Variants in CCSER1 observed in about 807,000 individuals in gnomAD.
CCSER1 encodes the protein coiled-coil serine rich protein 1, also known as serine-rich coiled-coil domain-containing protein 1.
In CCSER1, 41 loss-of-function variants were observed where a neutral mutation model predicts 82.0. That is an observed-to-expected ratio of 0.50 (90% CI 0.39 to 0.65). CCSER1 has a LOEUF of 0.65. CCSER1 is among the 30% of genes least tolerant of loss of function. The probability of loss-of-function intolerance (pLI) is 0.00; values close to 1 mark genes in which losing one functional copy is unlikely to be tolerated. For synonymous variants in CCSER1, 414 were observed against 383.9 expected (o/e 1.08, Z -0.92); for missense variants, 1,119 against 1,064.2 (o/e 1.05, Z -0.72).
intron 10 of CCSER1, among the ~76,000 whole-genome samples, chr4:91,413,284 A>G (rs980336373): frequency 2.0e-5 from 3 of 152,068 alleles, no homozygotes; most frequent in African/African-American, 7.2e-5. Context: ...CTCTACAAAA[A>G]TGTTAAAATT....
intron 10 of CCSER1, among the ~76,000 whole-genome samples, chr4:91,185,107 A>G (rs1049059711): frequency 6.6e-6 from 1 of 152,180 alleles, no homozygotes; most frequent in Non-Finnish European, 1.5e-5. Context: ...GTATCTACCA[A>G]ACCTCTAAAT....
At chr4:90,290,897 A>G (rs952450852) in intron 1 of CCSER1, among the ~76,000 whole-genome samples, 21 of 152,014 alleles carry the variant, frequency 1.4e-4, no homozygotes, top group African/African-American at 5.1e-4. Context: ...TGTATATGTA[A>G]TATCAGGATA....
Position 90,611,033 on chromosome 4 carries a change from A to G in CCSER1, c.1725-16992A>G, listed in dbSNP as rs548973682. ...GCTGGGTTTACAGGCGCCCGCCACCATGCCTGGCTAATTTTCTTTTCTTTT... is the reference window on the plus strand; with the variant it reads ...GCTGGGTTTACAGGCGCCCGCCACCGTGCCTGGCTAATTTTCTTTTCTTTT... On this transcript the variant is annotated intron_variant, in intron 5 of 10. Transcript: ENST00000509176. Among the ~76,000 whole-genome samples, 4 of 133,142 alleles carry G rather than the reference A, an allele frequency of 3.0e-5. No homozygotes were observed. In the South Asian group the frequency reaches 7.4e-4, roughly 25 times the overall value. The allele number at this position is 133,142 out of a possible 152,430, so 87.3% of individuals were successfully genotyped here.
intron 5 of CCSER1, among the ~76,000 whole-genome samples, chr4:90,616,374 G>A (rs1483020026): frequency 2.0e-5 from 3 of 151,838 alleles, no homozygotes; most frequent in Non-Finnish European, 4.4e-5. Flanking sequence ...ACAAACTGTC[G>A]AAGAATAAGA....
chr4:91,377,892 T>G (rs917463498), intron 10 of CCSER1, among the ~76,000 whole-genome samples: 3 of 152,186 alleles, frequency 2.0e-5, no homozygotes, highest in African/African-American at 7.2e-5. Context: ...GGTCTAACAT[T>G]TAAGTCTTTA....
chr4:90,634,453 TC>T (rs1482599472), intron 6 of CCSER1, among the ~76,000 whole-genome samples: 12 of 151,970 alleles, frequency 7.9e-5, no homozygotes. Flanking sequence ...TGGTTTTTTT[TC>T]AGCGTAATTT....
intron 8 of CCSER1, among the ~76,000 whole-genome samples, chr4:90,827,679 G>C (rs1224417718): frequency 2.6e-5 from 4 of 152,126 alleles, no homozygotes; most frequent in Non-Finnish European, 5.9e-5. Flanking sequence ...AGCATTATCA[G>C]AGACATGAAA....
At chr4:90,660,441 A>G (rs891353833) in intron 6 of CCSER1, among the ~76,000 whole-genome samples, 11 of 152,124 alleles carry the variant, frequency 7.2e-5, no homozygotes, top group Admixed American at 2.0e-4. Flanking sequence ...AGAAAGTCAA[A>G]TACTGCATCT....
Position 90,196,708 on chromosome 4 carries a change from A to G in CCSER1, c.-42+68877A>G, listed in dbSNP as rs78347411. 1.3e-3 allele frequency among the ~76,000 whole-genome samples: 183 copies of G among 140,058 alleles called. 3 individuals are homozygous for G. In the East Asian group the frequency reaches 0.04, roughly 30 times the overall value. The allele number at this position is 140,058 out of a possible 152,430, so 91.9% of individuals were successfully genotyped here. On this transcript the variant is annotated intron_variant, in intron 1 of 10. Coordinates refer to ENST00000509176, the MANE Select transcript of CCSER1 (RefSeq NM_001145065.2). ...ACACACAATCTTAGCTCATTGTCTT[A>G]TACATTCTATTGCTCAAGCAATAGT... is the stretch of plus-strand genomic sequence containing the variant.
At chr4:91,409,583 C>T (rs1216830497) in intron 10 of CCSER1, among the ~76,000 whole-genome samples, 1 of 152,112 alleles carries the variant, frequency 6.6e-6, no homozygotes, top group Non-Finnish European at 1.5e-5. Flanking sequence ...TTATTCTTCC[C>T]AAGCAATACT....
chr4:90,346,111 T>C (rs1235334231), intron 3 of CCSER1, among the ~76,000 whole-genome samples: 1 of 152,052 alleles, frequency 6.6e-6, no homozygotes, highest in Non-Finnish European at 1.5e-5. Flanking sequence ...AATATTTTAA[T>C]GAAGTTAAAA....
At chr4:90,180,285 T>G (rs1325366542) in intron 1 of CCSER1, among the ~76,000 whole-genome samples, 1 of 151,936 alleles carries the variant, frequency 6.6e-6, no homozygotes, top group Non-Finnish European at 1.5e-5. Context: ...CTCTTGAAAT[T>G]AAGAGTAAAG....
chr4:90,332,634 T>C (rs1465437469), intron 3 of CCSER1, among the ~76,000 whole-genome samples: 4 of 152,222 alleles, frequency 2.6e-5, no homozygotes, highest in Admixed American at 1.3e-4. Flanking sequence ...ATTGGTGATT[T>C]TTATCACATT....
chr4:91,541,980 G>A (rs1178779289), intron 10 of CCSER1, among the ~76,000 whole-genome samples: 5 of 152,182 alleles, frequency 3.3e-5, no homozygotes, highest in Admixed American at 6.6e-5. Flanking sequence ...GATGGCCAGC[G>A]ATGATGAGCA....
intron 3 of CCSER1, among the ~76,000 whole-genome samples, chr4:90,394,040 A>G (rs1489801869): frequency 6.6e-6 from 1 of 151,482 alleles, no homozygotes; most frequent in Non-Finnish European, 1.5e-5. Context: ...TCAGCCTCCC[A>G]AAGTGTTGGG....
At chr4:90,793,820 TG>T (rs1392905690) in intron 7 of CCSER1, among the ~76,000 whole-genome samples, 1 of 152,188 alleles carries the variant, frequency 6.6e-6, no homozygotes, top group Non-Finnish European at 1.5e-5. Context: ...TCTGCAACTT[TG>T]CCAGAAGCTG....
intron 1 of CCSER1, among the ~76,000 whole-genome samples, chr4:90,129,344 C>A (rs1463043080): frequency 6.6e-6 from 1 of 152,216 alleles, no homozygotes; most frequent in Non-Finnish European, 1.5e-5. Flanking sequence ...GTTTCTCTTT[C>A]TGTTTGCTTT....
chr4:91,100,081 G>T (rs1724904848), intron 10 of CCSER1, among the ~76,000 whole-genome samples: 1 of 152,054 alleles, frequency 6.6e-6, no homozygotes, highest in South Asian at 2.1e-4. Context: ...CCAGAGTCAG[G>T]TTGGAAAGTA....
chr4:91,299,011 T>C (rs1744452461), intron 10 of CCSER1, among the ~76,000 whole-genome samples: 1 of 151,974 alleles, frequency 6.6e-6, no homozygotes, highest in Admixed American at 6.6e-5. Flanking sequence ...TACCCAGACC[T>C]ACTAAATAAA....
Sources: allele counts gnomAD v4.1 joint callset (sites outside exome capture counted in the v4.1 genomes callset), GRCh38; gene constraint gnomAD v4.1.1; transcripts MANE v1.5; gene names NCBI Gene and HGNC (gene_info 2026-07-23, HGNC 2026-07-21).